ZBTB20: variants seen among roughly 807,000 people sequenced by gnomAD.
ZBTB20 encodes zinc finger and BTB domain-containing protein 20.
Under a neutral mutation model 56.9 loss-of-function variants are expected in ZBTB20, and 9 were observed. The ratio of observed to expected loss-of-function variants is 0.16; its 90% CI spans 0.10 to 0.28. ZBTB20 has a LOEUF of 0.28. Among genes scored for constraint, ZBTB20 ranks in the 10% least tolerant of loss-of-function variants. The pLI is 1.00. For synonymous variants in ZBTB20, 417 were observed against 420.7 expected, an observed-to-expected ratio of 0.99 and a Z score of 0.11; for missense variants, 655 against 1,003.0, an observed-to-expected ratio of 0.65 and a Z score of 4.69.
intron 1 of ZBTB20, among the ~76,000 whole-genome samples, chr3:115,143,718 CATT>C (rs1256328222): frequency 6.6e-6 from 1 of 151,966 alleles, no homozygotes; most frequent in Admixed American, 6.6e-5. Flanking sequence ...ATTTCAAAGA[CATT>C]ATTAAAATCA....
chr3:115,124,389 G>T (rs546020774), intron 1 of ZBTB20, among the ~76,000 whole-genome samples: 64 of 152,226 alleles, frequency 4.2e-4, no homozygotes, highest in Admixed American at 1.6e-3. Flanking sequence ...AAACAAAGCA[G>T]TTACTGTAAG....
intron 1 of ZBTB20, among the ~76,000 whole-genome samples, chr3:115,132,082 A>T (rs1222214201): frequency 6.6e-6 from 1 of 152,178 alleles, no homozygotes; most frequent in African/African-American, 2.4e-5. Context: ...AAGAAAAAAA[A>T]ATCTCCCAAG....
intron 7 of ZBTB20, among the ~76,000 whole-genome samples, chr3:114,397,850 G>A (rs893910741): frequency 1.3e-5 from 2 of 152,094 alleles, no homozygotes; most frequent in Admixed American, 1.3e-4. Context: ...TTTAACCTCA[G>A]AATATGCTTC....
intron 7 of ZBTB20, among the ~76,000 whole-genome samples, chr3:114,445,132 C>T (rs1271804332): frequency 6.6e-6 from 1 of 152,190 alleles, no homozygotes; most frequent in East Asian, 1.9e-4. Flanking sequence ...ATAACAATTA[C>T]ACTTACATAA....
chr3:115,071,718 T>G (rs1207033432), intron 1 of ZBTB20, among the ~76,000 whole-genome samples: 1 of 152,136 alleles, frequency 6.6e-6, no homozygotes, highest in South Asian at 2.1e-4. Context: ...CAGAGGAAAG[T>G]GATCTAACAC....
At chr3:114,882,765 G>A (rs2937260) in intron 4 of ZBTB20, among the ~76,000 whole-genome samples, 147,903 of 152,198 alleles carry the variant, frequency 0.97, 72,029 homozygotes, top group East Asian at 1. Flanking sequence ...ATTTCTCTAC[G>A]CAAGTACAGT....
At chr3:114,956,181 A>G (rs1033495028) in intron 3 of ZBTB20, among the ~76,000 whole-genome samples, 3 of 152,194 alleles carry the variant, frequency 2.0e-5, no homozygotes, top group African/African-American at 4.8e-5. Flanking sequence ...TGTTCCCCCA[A>G]AATAAACTTC....
intron 1 of ZBTB20, among the ~76,000 whole-genome samples, chr3:115,146,336 C>T (rs771691016): frequency 6.7e-6 from 1 of 148,828 alleles, no homozygotes; most frequent in Admixed American, 6.8e-5. Flanking sequence ...TCCCTGCCTC[C>T]TGCCTCTTCA....
intron 6 of ZBTB20, among the ~76,000 whole-genome samples, chr3:114,507,143 C>T (rs1332774086): frequency 6.6e-6 from 1 of 152,124 alleles, no homozygotes; most frequent in Non-Finnish European, 1.5e-5. Flanking sequence ...AAAACTGATG[C>T]TCTTTATTCT....
At chr3:114,440,359 T>C (rs1339079226) in intron 7 of ZBTB20, among the ~76,000 whole-genome samples, 6 of 152,022 alleles carry the variant, frequency 3.9e-5, no homozygotes, top group Non-Finnish European at 5.9e-5. Context: ...GAAAAAAAAA[T>C]CCTCCCACAT....
rs957996857 is a variant in ZBTB20, at chr3:114,331,884, C to G, written c.*7121G>C. ...AGTTTTGTGCTGAGGGAAGCTCACA[C>G]TGTGTGTGCACATGTATAAATAATG... On this transcript the variant is annotated 3_prime_UTR_variant, in exon 12 of 12. Coordinates refer to ENST00000675478, the MANE Select transcript of ZBTB20 (RefSeq NM_001348800.3). The G allele has an allele frequency of 6.6e-6, 1 of 152,144 alleles. No individual in the cohort carries two copies. The highest frequency in any genetic ancestry group is 2.4e-5 in the African/African-American group (1 of 41,416). The allele number at this position is 152,144 out of a possible 1,614,324, so 9.4% of individuals were successfully genotyped here.
rs2079571094 is a variant in ZBTB20 at position 114,339,100 on chromosome 3, C to T, written c.2131G>A (p.Glu711Lys). 1.9e-6 allele frequency: 3 copies of T among 1,599,660 alleles called. No homozygotes were observed. Among genetic ancestry groups the T allele is most frequent in the South Asian group, 2.3e-5 (2 of 88,678 alleles). The change falls in exon 12 of 12, where the codon GAG becomes AAG. Residue 711 changes from glutamate (E) to lysine (K), a missense_variant. Physicochemically the swap from Glu to Lys is moderately conservative, Grantham distance 56. Transcript: ENST00000675478. The surrounding 1 kb of genome is among the most constrained non-coding windows in gnomAD (Gnocchi z 4.2). ...ACGGAGCAGACGTAAGTGGTCCCCT[C>T]CGTGCAGGCCACCACGCCTGGGGGG... ...AGPPGVVACTEGTTYVCSVCP... is the reference protein window; with the variant it reads ...AGPPGVVACTKGTTYVCSVCP...
At chr3:114,648,607 C>T (rs991149156) in intron 6 of ZBTB20, among the ~76,000 whole-genome samples, 11 of 151,916 alleles carry the variant, frequency 7.2e-5, no homozygotes, top group Admixed American at 7.2e-4. Flanking sequence ...TAAAAGATAG[C>T]ATTTGATAAA....
intron 7 of ZBTB20, among the ~76,000 whole-genome samples, chr3:114,492,816 A>T (rs1183503225): frequency 6.6e-6 from 1 of 152,236 alleles, no homozygotes; most frequent in Non-Finnish European, 1.5e-5. Context: ...ACTGTAGTAC[A>T]ATATCACAAT....
intron 6 of ZBTB20, among the ~76,000 whole-genome samples, chr3:114,593,753 C>T (rs2056039584): frequency 2.0e-5 from 3 of 152,124 alleles, no homozygotes; most frequent in Non-Finnish European, 4.4e-5. Flanking sequence ...GTCTGTTTAC[C>T]TCTAGTGTCT....
chr3:114,535,742 G>A (rs528301764), intron 6 of ZBTB20, among the ~76,000 whole-genome samples: 42 of 152,186 alleles, frequency 2.8e-4, no homozygotes, highest in African/African-American at 7.5e-4. Flanking sequence ...GAAAATCCTC[G>A]ATAAAATACT....
intron 6 of ZBTB20, among the ~76,000 whole-genome samples, chr3:114,545,036 A>C (rs1284090814): frequency 6.6e-6 from 1 of 152,214 alleles, no homozygotes; most frequent in Non-Finnish European, 1.5e-5. Context: ...CATATGTATG[A>C]AAATATAAGA....
chr3:114,852,657 G>T (rs1251722202), intron 4 of ZBTB20, among the ~76,000 whole-genome samples: 1 of 152,132 alleles, frequency 6.6e-6, no homozygotes, highest in Admixed American at 6.5e-5. Context: ...TCTTCTTGTG[G>T]TATATGTTTT....
At chr3:114,976,203 A>G (rs546972700) in intron 2 of ZBTB20, among the ~76,000 whole-genome samples, 1 of 152,218 alleles carries the variant, frequency 6.6e-6, no homozygotes, top group African/African-American at 2.4e-5. Context: ...AAGTCAGATA[A>G]AACAAGATAA....
Sources: gnomAD v4.1 joint callset for allele counts (sites outside exome capture counted in the v4.1 genomes callset) on GRCh38, gnomAD v4.1.1 for gene constraint, Gnocchi (gnomAD v3.1) non-coding constraint, MANE v1.5 for transcripts, NCBI Gene and HGNC (gene_info 2026-07-23, HGNC 2026-07-21) for gene names.